The following ITGAV variants were observed in gnomAD, a reference collection of about 807,000 sequenced individuals.
ITGAV encodes the protein integrin alpha-V.
A neutral mutation model predicts 143.8 loss-of-function variants in ITGAV; 76 were observed. That is an observed-to-expected ratio of 0.53 (90% CI 0.44 to 0.64). ITGAV has a LOEUF of 0.64. Among genes scored for constraint, ITGAV ranks in the 30% least tolerant of loss-of-function variants. The pLI, the probability that ITGAV is intolerant of heterozygous loss-of-function variation, is 0.00. For missense variants in ITGAV, 1,193 were observed against 1,274.7 expected (o/e 0.94, Z 0.98); for synonymous variants, 453 against 446.7 (o/e 1.01, Z -0.18).
Position 186,666,749 on chromosome 2 carries a change from G to A in ITGAV, c.2212G>A (p.Asp738Asn). The part of the protein sequence containing the change: ...RFSVHQQSEM[D>N]TSVKFDLQIQ... ...CAGTGTGCACCAGCAGTCAGAGATGGATACTTCTGTGAAATTTGACTTACA... is the reference window on the plus strand; with the variant it reads ...CAGTGTGCACCAGCAGTCAGAGATGAATACTTCTGTGAAATTTGACTTACA... The change falls in exon 22 of 30, where the codon GAT becomes AAT. Residue 738 changes from aspartate to asparagine, a missense_variant. Asp to Asn is a conservative substitution (Grantham distance 23, BLOSUM62 1). Transcript: ENST00000261023. The A allele has an allele frequency of 6.3e-7, 1 of 1,585,678 alleles. No homozygotes were observed. The highest frequency in any genetic ancestry group is 1.3e-5 in the African/African-American group (1 of 74,090).
rs1386938972 is a variant in ITGAV, at chr2:186,634,696, G to A, written c.631+1322G>A. On this transcript the variant is annotated intron_variant, in intron 6 of 29. Coordinates refer to ENST00000261023, the MANE Select transcript of ITGAV (RefSeq NM_002210.5). ...ATTTCTATGCATTATACATCTATTG[G>A]GAAATAAAATGATTTAGAAAAATTA... Among the ~76,000 whole-genome samples the A allele has an allele frequency of 2.0e-5, 3 of 151,766 alleles. No individual in the cohort carries two copies. In the East Asian group the frequency reaches 5.8e-4, roughly 29 times the overall value.
At chr2:186,617,504 C>T (rs1687398498) in intron 2 of ITGAV, among the ~76,000 whole-genome samples, 1 of 152,152 alleles carries the variant, frequency 6.6e-6, no homozygotes, top group African/African-American at 2.4e-5. Context: ...AGTTTCCAAA[C>T]CTGGCAAAAT....
chr2:186,612,183 A>G (rs527768052), intron 2 of ITGAV, among the ~76,000 whole-genome samples: 1 of 152,284 alleles, frequency 6.6e-6, no homozygotes, highest in African/African-American at 2.4e-5. Context: ...TCTTCTTATA[A>G]CATGTTTTCC....
intron 2 of ITGAV, among the ~76,000 whole-genome samples, chr2:186,605,731 T>G: frequency 7.8e-6 from 1 of 128,388 alleles, no homozygotes; most frequent in Non-Finnish European, 1.6e-5. Flanking sequence ...CTTTAGTGGT[T>G]GTAGATGTGT....
chr2:186,630,868 T>TAAA lies in ITGAV; in HGVS notation c.585+11_585+12insAAA. 1.4e-6 allele frequency: 2 copies of TAAA among 1,469,836 alleles called. No homozygotes were observed. The highest frequency in any genetic ancestry group is 1.9e-6 in the Non-Finnish European group (2 of 1,052,542). 91.0% of individuals were successfully genotyped at this position (1,469,836 alleles called of 1,614,324 possible). The stretch of plus-strand genomic sequence containing the variant: ...CATTGATTTTACTAAAGTAAGTTCT[T>TAAA]ATTTAAGACTGAATGAGATTCACAT... On this transcript the variant is annotated intron_variant, in intron 5 of 29. Transcript: ENST00000261023.
At chr2:186,652,987 G>A (rs1180758510) in intron 15 of ITGAV, among the ~76,000 whole-genome samples, 4 of 134,836 alleles carry the variant, frequency 3.0e-5, no homozygotes, top group East Asian at 2.2e-4. Context: ...CGCCCAGGCC[G>A]GACTGCAGAC....
At chr2:186,669,514 A>G (rs982654453) in intron 25 of ITGAV, among the ~76,000 whole-genome samples, 187 bp from the exon 26 acceptor site, 1 of 152,218 alleles carries the variant, frequency 6.6e-6, no homozygotes, top group Non-Finnish European at 1.5e-5. Context: ...CTTTTTTGGT[A>G]CATATTAAAG....
chr2:186,616,480 G>T (rs968207385), intron 2 of ITGAV, among the ~76,000 whole-genome samples: 1 of 151,394 alleles, frequency 6.6e-6, no homozygotes, highest in Non-Finnish European at 1.5e-5. Context: ...GGGTTTCACC[G>T]TGTTAGCCAG....
chr2:186,598,436 A>ATT (rs34986292), intron 1 of ITGAV, among the ~76,000 whole-genome samples: 1,808 of 117,344 alleles, frequency 0.015, 60 homozygotes, highest in South Asian at 0.024. Context: ...TACTCATAGC[A>ATT]TTTTTTTTTT....
chr2:186,593,004 A>G (rs1284270510), intron 1 of ITGAV, among the ~76,000 whole-genome samples: 1 of 152,210 alleles, frequency 6.6e-6, no homozygotes, highest in Non-Finnish European at 1.5e-5. Flanking sequence ...ATTGGAATCC[A>G]AGGTACTTGG....
In ITGAV at chr2:186,679,632, A is replaced by T. The variant is rs1306238634; in HGVS notation, c.*2340A>T. 6.6e-6 allele frequency: 1 copy of T among 152,004 alleles called. No homozygotes were observed. Among genetic ancestry groups the T allele is most frequent in the Non-Finnish European group, 1.5e-5 (1 of 67,888 alleles). The allele number at this position is 152,004 out of a possible 1,614,324, so 9.4% of individuals were successfully genotyped here. A position where few individuals can be genotyped will look rare whatever the true frequency, so the allele number is the denominator to read the frequency against. ...TGAAATGTAAAATTTTTATGATCTG[A>T]TTCAGTTTTAAGAAAACATGAATGA... On this transcript the variant is annotated 3_prime_UTR_variant, in exon 30 of 30. Coordinates refer to ENST00000261023, the MANE Select transcript of ITGAV (RefSeq NM_002210.5).
At chr2:186,627,375 T>G (rs961003192) in intron 4 of ITGAV, among the ~76,000 whole-genome samples, 1 of 152,198 alleles carries the variant, frequency 6.6e-6, no homozygotes, top group Non-Finnish European at 1.5e-5. Flanking sequence ...AGAAAATGTT[T>G]TCCATTTCAG....
chr2:186,641,200 T>G (rs1353475443), intron 11 of ITGAV, 186 bp from the exon 12 acceptor site: 3 of 619,162 alleles, frequency 4.8e-6, no homozygotes, highest in East Asian at 5.5e-5. Context: ...TTATGAATTA[T>G]TCATAGTTTC....
At chr2:186,649,740 T>G in intron 13 of ITGAV, 100 bp from the exon 14 acceptor site, 1 of 761,606 alleles carries the variant, frequency 1.3e-6, no homozygotes, top group Non-Finnish European at 2.0e-6. Flanking sequence ...TTTTGAGAAT[T>G]TGTTCAAACC....
chr2:186,631,424 T>G (rs981235103), intron 5 of ITGAV, among the ~76,000 whole-genome samples: 1 of 152,166 alleles, frequency 6.6e-6, no homozygotes, highest in Non-Finnish European at 1.5e-5. Flanking sequence ...TTTAATCTAT[T>G]TTTTGAAAAT....
intron 15 of ITGAV, among the ~76,000 whole-genome samples, chr2:186,654,164 C>G (rs1249090993): frequency 1.3e-5 from 2 of 152,104 alleles, no homozygotes; most frequent in African/African-American, 4.8e-5. Context: ...GAAACACTGT[C>G]TCTACTAAAA....
At chr2:186,625,377 A>C in intron 3 of ITGAV, 96 bp from the exon 4 acceptor site, 1 of 725,656 alleles carries the variant, frequency 1.4e-6, no homozygotes, top group South Asian at 1.7e-5. Context: ...ATCTCAAAAA[A>C]GAGAAAGTGG....
chr2:186,658,835 C>G (rs1336047036), intron 17 of ITGAV, among the ~76,000 whole-genome samples: 1 of 152,006 alleles, frequency 6.6e-6, no homozygotes, highest in Non-Finnish European at 1.5e-5. Flanking sequence ...CATTGTAAAA[C>G]AAAAATTGAC....
chr2:186,630,906 C>G, intron 5 of ITGAV, 48 bp downstream of exon 5: 3 of 1,014,890 alleles, frequency 3.0e-6, no homozygotes, highest in Non-Finnish European at 3.1e-6. Flanking sequence ...ACCTTATTGA[C>G]TAGACTGTGG....
Sources: gnomAD v4.1 joint callset for allele counts (sites outside exome capture counted in the v4.1 genomes callset) on GRCh38, gnomAD v4.1.1 for gene constraint, MANE v1.5 for transcripts, NCBI Gene and HGNC (gene_info 2026-07-23, HGNC 2026-07-21) for gene names.